Variants in CSMD1 observed in about 807,000 individuals in gnomAD.
The protein encoded by CSMD1 is CUB and Sushi multiple domains 1.
In CSMD1, 213 loss-of-function variants were observed where a neutral mutation model predicts 417.5. The ratio of observed to expected loss-of-function variants is 0.51; its 90% confidence interval spans 0.46 to 0.57. The LOEUF (loss-of-function observed/expected upper bound fraction) is 0.57. Ranked by LOEUF, CSMD1 falls within the 20% of genes least tolerant of loss-of-function variation. CSMD1 has a pLI of 0.00. For missense variants in CSMD1, 6,923 were observed against 4,529.7 expected (o/e 1.53, Z -15.17); for synonymous variants, 2,862 against 1,736.8 (o/e 1.65, Z -16.11).
chr8:4,151,485 T>G (rs1563191785), intron 3 of CSMD1, among the ~76,000 whole-genome samples: 1 of 152,196 alleles, frequency 6.6e-6, no homozygotes, highest in Non-Finnish European at 1.5e-5. Flanking sequence ...AACAAACACA[T>G]TATACAGAAG....
intron 1 of CSMD1, among the ~76,000 whole-genome samples, chr8:4,739,179 C>G (rs1441439905): frequency 6.6e-6 from 1 of 152,120 alleles, no homozygotes; most frequent in Non-Finnish European, 1.5e-5. Flanking sequence ...CATTTTAGAT[C>G]CCGTGTATTT....
intron 2 of CSMD1, among the ~76,000 whole-genome samples, chr8:4,573,032 G>C (rs186750005): frequency 6.6e-6 from 1 of 152,234 alleles, no homozygotes; most frequent in African/African-American, 2.4e-5. Flanking sequence ...CTTTTATCAA[G>C]GTTCTTATCT....
intron 12 of CSMD1, among the ~76,000 whole-genome samples, chr8:3,463,605 ACAAGGACCAGTGAGC>A (rs1816639192): frequency 1.3e-5 from 2 of 152,192 alleles, no homozygotes; most frequent in African/African-American, 4.8e-5. Flanking sequence ...CTCACTTTCT[ACAAGGACCAGTGAGC>A]TGTCCTCGGT....
intron 41 of CSMD1, among the ~76,000 whole-genome samples, chr8:3,129,962 CAG>C (rs1379840357): frequency 6.6e-6 from 1 of 151,794 alleles, no homozygotes; most frequent in Non-Finnish European, 1.5e-5. Flanking sequence ...GCCTAAATAA[CAG>C]AGTGAGACTC....
intron 1 of CSMD1, among the ~76,000 whole-genome samples, chr8:4,719,942 G>A (rs949528195): frequency 2.6e-5 from 4 of 152,030 alleles, no homozygotes; most frequent in Non-Finnish European, 4.4e-5. Context: ...GATAGCTAAT[G>A]TCACCTCACT....
At chr8:3,664,834 G>C (rs1040043809) in intron 7 of CSMD1, among the ~76,000 whole-genome samples, 2 of 152,228 alleles carry the variant, frequency 1.3e-5, no homozygotes, top group East Asian at 1.9e-4. Flanking sequence ...ATAGCTAAAA[G>C]TTTAGCAGTA....
chr8:3,446,317 T>C (rs1018569513), intron 12 of CSMD1, among the ~76,000 whole-genome samples: 12 of 152,242 alleles, frequency 7.9e-5, no homozygotes, highest in African/African-American at 2.9e-4. Context: ...TTTCAGATCA[T>C]TTTCCATCAG....
chr8:3,670,505 T>C (rs1798937064), intron 7 of CSMD1, among the ~76,000 whole-genome samples: 1 of 145,600 alleles, frequency 6.9e-6, no homozygotes, highest in Non-Finnish European at 1.5e-5. Flanking sequence ...ATATCCCATA[T>C]ATATATATAT....
intron 4 of CSMD1, among the ~76,000 whole-genome samples, chr8:4,002,525 T>C (rs1815769201): frequency 6.6e-6 from 1 of 152,212 alleles, no homozygotes. Flanking sequence ...AGGAAACAGT[T>C]TTCAAAGCCC....
In CSMD1 at chr8:3,931,033, A is replaced by G. The variant is rs192827813; in HGVS notation, c.818+66870T>C. ...GCCATAGTGCTAATTTCCACAGGGA[A>G]AATCTTAACTGCGGTATGATCGCTG... On this transcript the variant is annotated intron_variant, in intron 5 of 69. Coordinates refer to ENST00000635120, the MANE Select transcript of CSMD1 (RefSeq NM_033225.6). Among the ~76,000 whole-genome samples, 395 of 150,670 alleles carry G rather than the reference A, an allele frequency of 2.6e-3. 29 individuals are homozygous for G. Among genetic ancestry groups the G allele is most frequent in the African/African-American group, 9.0e-3 (370 of 40,960 alleles).
At chr8:4,639,020 G>T (rs1330236303) in intron 1 of CSMD1, among the ~76,000 whole-genome samples, 1 of 152,180 alleles carries the variant, frequency 6.6e-6, no homozygotes, top group Non-Finnish European at 1.5e-5. Context: ...AGCTCTGGGA[G>T]ATTAGTAACA....
chr8:3,470,660 C>G (rs939864513), intron 11 of CSMD1, among the ~76,000 whole-genome samples: 6 of 152,100 alleles, frequency 3.9e-5, no homozygotes, highest in Non-Finnish European at 7.4e-5. Context: ...CCCTTAAAAT[C>G]ACACTCATGC....
intron 10 of CSMD1, among the ~76,000 whole-genome samples, chr8:3,497,698 G>C (rs66461366): frequency 2.6e-5 from 4 of 152,148 alleles, no homozygotes; most frequent in African/African-American, 9.7e-5. Flanking sequence ...CAGGTGCAGT[G>C]AGTTTCTTAT....
At chr8:4,562,431 A>G (rs577343498) in intron 2 of CSMD1, among the ~76,000 whole-genome samples, 1 of 152,322 alleles carries the variant, frequency 6.6e-6, no homozygotes, top group African/African-American at 2.4e-5. Flanking sequence ...TAATCAGAAG[A>G]AGTTGAAGTT....
At chr8:4,770,335 T>C (rs1796536233) in intron 1 of CSMD1, among the ~76,000 whole-genome samples, 1 of 148,276 alleles carries the variant, frequency 6.7e-6, no homozygotes, top group Non-Finnish European at 1.5e-5. Context: ...TACATAGAAA[T>C]ATATATATAA....
At chr8:4,104,343 G>A (rs11780970) in intron 3 of CSMD1, among the ~76,000 whole-genome samples, 11,774 of 152,188 alleles carry the variant, frequency 0.077, 529 homozygotes, top group Middle Eastern at 0.17. Flanking sequence ...AACACAAAAG[G>A]CATTAAGACT....
chr8:4,463,745 G>A (rs1246629538), intron 2 of CSMD1, among the ~76,000 whole-genome samples: 1 of 152,152 alleles, frequency 6.6e-6, no homozygotes, highest in Non-Finnish European at 1.5e-5. Flanking sequence ...GGGCCGTGGG[G>A]CTGAGGGAAA....
intron 48 of CSMD1, among the ~76,000 whole-genome samples, chr8:3,090,572 T>C (rs532390811): frequency 9.2e-5 from 14 of 152,280 alleles, no homozygotes; most frequent in African/African-American, 3.4e-4. Flanking sequence ...TTCTTACAAC[T>C]GCTGTTTTAA....
chr8:4,875,604 G>T (rs920891467), intron 1 of CSMD1, among the ~76,000 whole-genome samples: 1 of 152,192 alleles, frequency 6.6e-6, no homozygotes, highest in South Asian at 2.1e-4. Context: ...CCCTCTAAGC[G>T]TAGCTTGAGT....
Sources: gnomAD v4.1 joint callset for allele counts (sites outside exome capture counted in the v4.1 genomes callset) on GRCh38, gnomAD v4.1.1 for gene constraint, MANE v1.5 for transcripts, NCBI Gene and HGNC (gene_info 2026-07-23, HGNC 2026-07-21) for gene names.